The following PLCL1 variants were observed in gnomAD, a reference collection of about 807,000 sequenced individuals.
The protein encoded by PLCL1 is inactive phospholipase C-like protein 1.
A neutral mutation model predicts 84.4 loss-of-function variants in PLCL1; 41 were observed. The ratio of observed to expected loss-of-function variants is 0.49; its 90% confidence interval spans 0.38 to 0.63. PLCL1 has a LOEUF of 0.63. Among genes scored for constraint, PLCL1 ranks in the 30% least tolerant of loss-of-function variants. The probability of loss-of-function intolerance (pLI) is 0.00; values close to 1 mark genes in which losing one functional copy is unlikely to be tolerated. For synonymous variants in PLCL1, 490 were observed against 488.3 expected, an observed-to-expected ratio of 1.00 and a Z score of -0.05; for missense variants, 1,206 against 1,367.8, an observed-to-expected ratio of 0.88 and a Z score of 1.87.
At chr2:197,852,086 G>A (rs920286363) in intron 1 of PLCL1, among the ~76,000 whole-genome samples, 5 of 152,230 alleles carry the variant, frequency 3.3e-5, no homozygotes, top group Non-Finnish European at 5.9e-5. Context: ...TTCAGCGACA[G>A]CTTTGGCCAT....
At chr2:198,086,502 TC>T (rs1224025241) in intron 2 of PLCL1, among the ~76,000 whole-genome samples, 1 of 152,004 alleles carries the variant, frequency 6.6e-6, no homozygotes, top group Non-Finnish European at 1.5e-5. Flanking sequence ...GCACGTGTAG[TC>T]CCAGCTACCC....
chr2:198,124,840 A>T (rs1693949150), intron 5 of PLCL1, among the ~76,000 whole-genome samples: 1 of 152,306 alleles, frequency 6.6e-6, no homozygotes, highest in South Asian at 2.1e-4. Flanking sequence ...TTAATTCATT[A>T]TCTTGCTGAA....
At chr2:197,858,110 T>C (rs1005371322) in intron 1 of PLCL1, among the ~76,000 whole-genome samples, 1 of 152,136 alleles carries the variant, frequency 6.6e-6, no homozygotes, top group Non-Finnish European at 1.5e-5. Flanking sequence ...TCAATTGATA[T>C]AAAACTTGGT....
At chr2:198,134,868 C>T (rs752909098) in intron 5 of PLCL1, among the ~76,000 whole-genome samples, 1 of 152,142 alleles carries the variant, frequency 6.6e-6, no homozygotes, top group Non-Finnish European at 1.5e-5. Context: ...GTGATCAGTT[C>T]ACTCTATGGT....
chr2:197,972,769 TGATATATGTCA>T (rs1689897305), intron 1 of PLCL1, among the ~76,000 whole-genome samples: 1 of 152,230 alleles, frequency 6.6e-6, no homozygotes, highest in African/African-American at 2.4e-5. Flanking sequence ...ACATACTCTT[TGATATATGTCA>T]GCAAAATTTT....
intron 1 of PLCL1, among the ~76,000 whole-genome samples, chr2:197,865,825 C>A (rs1687519120): frequency 6.6e-6 from 1 of 150,786 alleles, no homozygotes; most frequent in African/African-American, 2.4e-5. Flanking sequence ...CCAGCCTGGA[C>A]AACATGGTGA....
chr2:197,844,337 C>T (rs1687076609), intron 1 of PLCL1, among the ~76,000 whole-genome samples: 1 of 152,048 alleles, frequency 6.6e-6, no homozygotes, highest in African/African-American at 2.4e-5. Flanking sequence ...TAGTTTGACC[C>T]ATTTTTGAGC....
At chr2:198,109,898 G>C (rs957211351) in intron 5 of PLCL1, among the ~76,000 whole-genome samples, 1 of 151,334 alleles carries the variant, frequency 6.6e-6, no homozygotes, top group South Asian at 2.1e-4. Flanking sequence ...ATTTTAGCAG[G>C]CTGGAGAAGT....
chr2:197,963,194 A>G (rs2105791186), intron 1 of PLCL1, among the ~76,000 whole-genome samples: 1 of 151,974 alleles, frequency 6.6e-6, no homozygotes, highest in African/African-American at 2.4e-5. Context: ...ACCACTATGG[A>G]TTGTACCACC....
chr2:198,010,216 G>A (rs1690834959), intron 1 of PLCL1, among the ~76,000 whole-genome samples: 2 of 151,898 alleles, frequency 1.3e-5, no homozygotes, highest in Admixed American at 1.3e-4. Context: ...AATAGTCGTG[G>A]CAAGAGTGGG....
intron 5 of PLCL1, among the ~76,000 whole-genome samples, chr2:198,125,943 G>A (rs1254502286): frequency 2.6e-5 from 4 of 152,082 alleles, no homozygotes; most frequent in Admixed American, 6.6e-5. Flanking sequence ...TTGCTTTAGC[G>A]ACACAACAGA....
chr2:198,092,692 C>T (rs1006263737), intron 3 of PLCL1, among the ~76,000 whole-genome samples: 8 of 152,324 alleles, frequency 5.3e-5, no homozygotes, highest in Non-Finnish European at 7.3e-5. Flanking sequence ...ACTACTCTCC[C>T]CATACATTCC....
chr2:198,096,218 A>G (rs1305867384), intron 3 of PLCL1, among the ~76,000 whole-genome samples: 4 of 152,172 alleles, frequency 2.6e-5, no homozygotes, highest in Admixed American at 6.5e-5. Context: ...AGTTGACCAC[A>G]TGGTATTTTA....
At chr2:197,989,097 T>A (rs1184972489) in intron 1 of PLCL1, among the ~76,000 whole-genome samples, 1 of 152,240 alleles carries the variant, frequency 6.6e-6, no homozygotes, top group African/African-American at 2.4e-5. Flanking sequence ...TCTTGTTTTT[T>A]GAATGAACCT....
chr2:197,807,000 CA>C (rs1157482697), intron 1 of PLCL1, among the ~76,000 whole-genome samples: 4 of 151,974 alleles, frequency 2.6e-5, no homozygotes, highest in South Asian at 2.1e-4. Flanking sequence ...CTTTTTGTGA[CA>C]AAAAAGGAGG....
intron 1 of PLCL1, among the ~76,000 whole-genome samples, chr2:198,021,950 A>T (rs1691142742): frequency 6.6e-6 from 1 of 152,228 alleles, no homozygotes; most frequent in Admixed American, 6.5e-5. Flanking sequence ...ACTTCAGGCC[A>T]ATGTTCCTGA....
At chr2:198,048,918 A>G (rs1035435725) in intron 1 of PLCL1, among the ~76,000 whole-genome samples, 1 of 152,236 alleles carries the variant, frequency 6.6e-6, no homozygotes, top group African/African-American at 2.4e-5. Context: ...AGCAATGAGC[A>G]TGGTTTGTGT....
intron 1 of PLCL1, among the ~76,000 whole-genome samples, chr2:197,833,290 C>T (rs1691110542): frequency 6.6e-6 from 1 of 152,174 alleles, no homozygotes; most frequent in Admixed American, 6.5e-5. Flanking sequence ...AGGATGCCCT[C>T]TCTCACCACT....
Position 197,978,562 on chromosome 2 carries a change from C to T in PLCL1, c.241-105196C>T, listed in dbSNP as rs76482016. ...TGGCCACAAAAACATCACCAAAACT[C>T]GAAATAAGACAAAACACTTCTAACA... On this transcript the variant is annotated intron_variant, in intron 1 of 5. Transcript: ENST00000428675. 9.3e-3 allele frequency among the ~76,000 whole-genome samples: 1,420 copies of T among 152,210 alleles called. 22 individuals carry two copies. Among genetic ancestry groups the T allele is most frequent in the African/African-American group, 0.033 (1,351 of 41,528 alleles).
Sources: allele counts gnomAD v4.1 joint callset (sites outside exome capture counted in the v4.1 genomes callset), GRCh38; gene constraint gnomAD v4.1.1; transcripts MANE v1.5; gene names NCBI Gene and HGNC (gene_info 2026-07-23, HGNC 2026-07-21).